The following DSCAML1 variants were observed in gnomAD, a reference collection of about 807,000 sequenced individuals.
The protein encoded by DSCAML1 is cell adhesion molecule DSCAML1.
A neutral mutation model predicts 200.5 loss-of-function variants in DSCAML1; 38 were observed. The observed-to-expected ratio is 0.19, with a 90% CI of 0.15 to 0.25. The LOEUF (loss-of-function observed/expected upper bound fraction) is 0.25. Ranked by LOEUF, DSCAML1 falls within the 10% of genes least tolerant of loss-of-function variation. The pLI, the probability that DSCAML1 is intolerant of heterozygous loss-of-function variation, is 1.00. For synonymous variants in DSCAML1, 1,215 were observed against 1,165.0 expected, an observed-to-expected ratio of 1.04 and a Z score of -0.87; for missense variants, 2,223 against 2,858.8, an observed-to-expected ratio of 0.78 and a Z score of 5.07.
intron 14 of DSCAML1, among the ~76,000 whole-genome samples, chr11:117,473,422 G>A (rs985162604): frequency 3.3e-5 from 5 of 152,094 alleles, no homozygotes; most frequent in Admixed American, 6.5e-5. Flanking sequence ...GCTTGAACCC[G>A]GGAGGTGGAG....
chr11:117,684,435 T>TAAAAAAA lies in DSCAML1; in HGVS notation c.511+92349_511+92355dup, dbSNP rs149958154. 1.3e-3 allele frequency among the ~76,000 whole-genome samples: 96 copies of TAAAAAAA among 74,574 alleles called. 4 individuals carry two copies. The highest frequency in any genetic ancestry group is 4.7e-3 in the South Asian group (7 of 1,492). 48.9% of individuals were successfully genotyped at this position (74,574 alleles called of 152,430 possible). ...CAAACTGTTCACACATTTCATTAAC[T>TAAAAAAA]AAAAAAAAAAAAAAAAAAAAAAAAA... On this transcript the variant is annotated intron_variant, in intron 3 of 32. Transcript: ENST00000651296.
At chr11:117,794,363 G>A (rs564208275) in intron 1 of DSCAML1, among the ~76,000 whole-genome samples, 1 of 152,212 alleles carries the variant, frequency 6.6e-6, no homozygotes, top group African/African-American at 2.4e-5. Flanking sequence ...CAATAATAAG[G>A]CAGTTATTGG....
chr11:117,630,517 C>T (rs2137570576), intron 3 of DSCAML1, among the ~76,000 whole-genome samples: 1 of 152,098 alleles, frequency 6.6e-6, no homozygotes, highest in African/African-American at 2.4e-5. Flanking sequence ...CTCTATTGCC[C>T]CTGCCTTGTA....
intron 3 of DSCAML1, among the ~76,000 whole-genome samples, chr11:117,645,835 G>A (rs922738447): frequency 2.0e-5 from 3 of 151,562 alleles, no homozygotes; most frequent in African/African-American, 7.3e-5. Flanking sequence ...CACCAGCATG[G>A]CACATGTATA....
chr11:117,559,404 T>A (rs2050620467), intron 3 of DSCAML1, among the ~76,000 whole-genome samples: 1 of 152,192 alleles, frequency 6.6e-6, no homozygotes. Context: ...AATTTAAAAA[T>A]CTCTAAATCC....
rs765338738 is a variant in DSCAML1, at chr11:117,428,475, G to A, written c.6015C>T (p.Ala2005=). Reference sequence around the variant, plus strand: ...CGGCTCGTGGAGGCTCGGTGCTGGGGGCCGGAGGGGCAGCGCTGGGGGCGG... The same window carrying A: ...CGGCTCGTGGAGGCTCGGTGCTGGGAGCCGGAGGGGCAGCGCTGGGGGCGG... The part of the protein sequence containing the change: ...PPTAPSAAPP[A]PSTEPPRAGG... The change falls in exon 33 of 33, where the codon GCC becomes GCT. Residue 2005 remains alanine (A), a synonymous_variant. Transcript: ENST00000651296. The A allele has an allele frequency of 1.3e-6, 2 of 1,535,314 alleles. No individual in the cohort carries two copies. The highest frequency in any genetic ancestry group is 4.5e-5 in the East Asian group (2 of 44,032).
chr11:117,763,246 A>AC (rs1159426330), intron 3 of DSCAML1, among the ~76,000 whole-genome samples: 1 of 151,404 alleles, frequency 6.6e-6, no homozygotes, highest in African/African-American at 2.4e-5. Flanking sequence ...GCTTTCGAAA[A>AC]CCCCCAGTGT....
intron 3 of DSCAML1, among the ~76,000 whole-genome samples, chr11:117,609,311 CT>C (rs765168401): frequency 1.3e-3 from 77 of 60,772 alleles, no homozygotes; most frequent in Non-Finnish European, 1.3e-3. Context: ...TTCTTTCTTT[CT>C]TTTTTTTTTT....
intron 27 of DSCAML1, among the ~76,000 whole-genome samples, chr11:117,434,516 A>G (rs1282658466): frequency 6.6e-6 from 1 of 152,104 alleles, no homozygotes; most frequent in Non-Finnish European, 1.5e-5. Context: ...ATAGTCATCC[A>G]TCCATCCAAG....
At chr11:117,559,130 A>AACG (rs35505845) in intron 3 of DSCAML1, among the ~76,000 whole-genome samples, 30,661 of 151,894 alleles carry the variant, frequency 0.2, 3,241 homozygotes, top group South Asian at 0.35. Flanking sequence ...AAGACAGAAA[A>AACG]ACAGACACAA....
intron 3 of DSCAML1, among the ~76,000 whole-genome samples, chr11:117,693,591 G>A (rs2053535524): frequency 6.6e-6 from 1 of 152,154 alleles, no homozygotes. Context: ...AAAGGATGCT[G>A]GGAAAAGCCT....
intron 3 of DSCAML1, among the ~76,000 whole-genome samples, chr11:117,543,751 T>C (rs1394375246): frequency 1.3e-5 from 2 of 152,184 alleles, no homozygotes; most frequent in Admixed American, 6.5e-5. Flanking sequence ...CATGCAACAA[T>C]ACTTATGAAA....
intron 1 of DSCAML1, among the ~76,000 whole-genome samples, chr11:117,816,170 C>T (rs1336463265): frequency 6.6e-6 from 1 of 152,218 alleles, no homozygotes; most frequent in Non-Finnish European, 1.5e-5. Context: ...GCTCCTCCTG[C>T]AGCCAAAACT....
rs568559863 is a variant in DSCAML1 at position 117,458,310 on chromosome 11, GT to G, written c.3568+443del. Among the ~76,000 whole-genome samples the G allele has an allele frequency of 2.9e-4, 44 of 152,328 alleles. 1 individual carries two copies. The South Asian group carries it at 8.9e-3, about 31-fold the overall frequency. ...GCACACCCCCATCCCTGCCTTGACAGTCCAGGGCCAGGACCATGCTGCGGCC... is the reference window on the plus strand; with the variant it reads ...GCACACCCCCATCCCTGCCTTGACAGCCAGGGCCAGGACCATGCTGCGGCC... On this transcript the variant is annotated intron_variant, in intron 19 of 32. Transcript: ENST00000651296.
At chr11:117,551,061 C>T (rs186366660) in intron 3 of DSCAML1, among the ~76,000 whole-genome samples, 1 of 152,294 alleles carries the variant, frequency 6.6e-6, no homozygotes, top group Non-Finnish European at 1.5e-5. Context: ...TTTTCCTGCC[C>T]CCTCTTCTCA....
intron 3 of DSCAML1, among the ~76,000 whole-genome samples, chr11:117,732,735 C>T (rs987402253): frequency 1.3e-4 from 20 of 152,082 alleles, no homozygotes; most frequent in African/African-American, 4.6e-4. Flanking sequence ...AGCACAGTGA[C>T]GACTGCCCAG....
intron 3 of DSCAML1, among the ~76,000 whole-genome samples, chr11:117,646,922 T>C (rs1233872556): frequency 6.6e-6 from 1 of 151,992 alleles, no homozygotes; most frequent in Non-Finnish European, 1.5e-5. Flanking sequence ...AATTATCAAA[T>C]TTCAGGTCCC....
intron 3 of DSCAML1, among the ~76,000 whole-genome samples, chr11:117,686,441 G>A (rs2053401493): frequency 6.6e-6 from 1 of 152,232 alleles, no homozygotes; most frequent in African/African-American, 2.4e-5. Context: ...ACCAGTGGCA[G>A]AGCCAAGAGC....
chr11:117,497,630 T>G (rs1467374954), intron 11 of DSCAML1, among the ~76,000 whole-genome samples: 2 of 152,234 alleles, frequency 1.3e-5, no homozygotes, highest in Non-Finnish European at 2.9e-5. Context: ...CCCTCCCTCC[T>G]TCCCTCCAGC....
Sources: allele counts gnomAD v4.1 joint callset (sites outside exome capture counted in the v4.1 genomes callset), GRCh38; gene constraint gnomAD v4.1.1; transcripts MANE v1.5; gene names NCBI Gene and HGNC (gene_info 2026-07-23, HGNC 2026-07-21).